The following GRM5 variants were observed in gnomAD, a reference collection of about 807,000 sequenced individuals.
GRM5 encodes the protein metabotropic glutamate receptor 5.
In GRM5, 19 loss-of-function variants were observed where a neutral mutation model predicts 83.1. The observed-to-expected ratio is 0.23, with a 90% CI of 0.16 to 0.34. The LOEUF is 0.34. GRM5 is among the 10% of genes least tolerant of loss of function. GRM5 has a pLI of 1.00. For synonymous variants in GRM5, 675 were observed against 633.6 expected, an observed-to-expected ratio of 1.07 and a Z score of -0.98; for missense variants, 1,160 against 1,588.3, an observed-to-expected ratio of 0.73 and a Z score of 4.58.
chr11:89,000,932 A>G (rs994510476), intron 2 of GRM5, among the ~76,000 whole-genome samples: 3 of 151,934 alleles, frequency 2.0e-5, no homozygotes, highest in African/African-American at 7.2e-5. Context: ...ACTGATGAAA[A>G]AAAAGCACAT....
At chr11:88,646,855 G>T (rs1461914229) in intron 4 of GRM5, among the ~76,000 whole-genome samples, 2 of 144,984 alleles carry the variant, frequency 1.4e-5, no homozygotes, top group South Asian at 2.3e-4. Context: ...GATCTCTCTT[G>T]GTTAAAATGA....
At chr11:89,013,742 G>T (rs1468123857) in intron 2 of GRM5, among the ~76,000 whole-genome samples, 1 of 152,118 alleles carries the variant, frequency 6.6e-6, no homozygotes, top group African/African-American at 2.4e-5. Context: ...CTGAGAAATG[G>T]TTTTTACAAC....
intron 9 of GRM5, among the ~76,000 whole-genome samples, chr11:88,522,215 A>G (rs1941712570): frequency 6.6e-6 from 1 of 152,150 alleles, no homozygotes; most frequent in African/African-American, 2.4e-5. Flanking sequence ...GAAAGGCCTT[A>G]TTGGTTGACG....
At chr11:88,535,900 A>T (rs1334120755) in intron 8 of GRM5, among the ~76,000 whole-genome samples, 1 of 152,220 alleles carries the variant, frequency 6.6e-6, no homozygotes, top group East Asian at 1.9e-4. Flanking sequence ...ATATAAAATA[A>T]GTGTGAGAGT....
intron 8 of GRM5, among the ~76,000 whole-genome samples, chr11:88,536,727 A>G (rs1942142989): frequency 6.6e-6 from 1 of 152,178 alleles, no homozygotes; most frequent in African/African-American, 2.4e-5. Flanking sequence ...TTATAATTTT[A>G]AAACATCTTA....
intron 3 of GRM5, among the ~76,000 whole-genome samples, chr11:88,820,231 A>C (rs1943762916): frequency 6.6e-6 from 1 of 151,630 alleles, no homozygotes; most frequent in South Asian, 2.1e-4. Flanking sequence ...AATACAAAAA[A>C]AAAAAAATTA....
At chr11:88,790,454 G>C (rs1028018434) in intron 3 of GRM5, among the ~76,000 whole-genome samples, 21 of 152,208 alleles carry the variant, frequency 1.4e-4, no homozygotes, top group Admixed American at 3.3e-4. Context: ...CAGCAACTTT[G>C]GCTGGAAATA....
At chr11:89,010,382 A>G (rs1489863275) in intron 2 of GRM5, among the ~76,000 whole-genome samples, 1 of 152,200 alleles carries the variant, frequency 6.6e-6, no homozygotes, top group African/African-American at 2.4e-5. Flanking sequence ...TCAGAGCTAG[A>G]GAATGTGTAA....
chr11:88,684,646 C>G (rs1398371207), intron 3 of GRM5, among the ~76,000 whole-genome samples: 1 of 152,078 alleles, frequency 6.6e-6, no homozygotes, highest in African/African-American at 2.4e-5. Context: ...GCTCTGTGTC[C>G]CCACCCAAAT....
intron 7 of GRM5, among the ~76,000 whole-genome samples, chr11:88,573,844 A>G (rs1943053860): frequency 6.6e-6 from 1 of 152,060 alleles, no homozygotes; most frequent in Non-Finnish European, 1.5e-5. Flanking sequence ...GATCTCATGG[A>G]TGTTGAACTG....
At chr11:88,815,812 C>T (rs901951179) in intron 3 of GRM5, among the ~76,000 whole-genome samples, 8 of 152,148 alleles carry the variant, frequency 5.3e-5, no homozygotes, top group Non-Finnish European at 1.2e-4. Flanking sequence ...GTCATTAGGC[C>T]CCACCTCCAA....
chr11:88,989,507 G>C (rs372237893), intron 2 of GRM5, among the ~76,000 whole-genome samples: 1 of 128,324 alleles, frequency 7.8e-6, no homozygotes, highest in Non-Finnish European at 1.7e-5. Flanking sequence ...TGCACCAAGC[G>C]GACCTAATAG....
chr11:88,995,894 A>G (rs1156366432), intron 2 of GRM5, among the ~76,000 whole-genome samples: 2 of 152,134 alleles, frequency 1.3e-5, no homozygotes, highest in Non-Finnish European at 2.9e-5. Context: ...AGGAAGAACC[A>G]TATGGCTGCT....
At chr11:88,994,076 C>G (rs890573675) in intron 2 of GRM5, among the ~76,000 whole-genome samples, 1 of 151,746 alleles carries the variant, frequency 6.6e-6, no homozygotes, top group Non-Finnish European at 1.5e-5. Flanking sequence ...CAGTTACTAA[C>G]AATGAACCAT....
chr11:88,783,696 C>T (rs1234248272), intron 3 of GRM5, among the ~76,000 whole-genome samples: 5 of 151,996 alleles, frequency 3.3e-5, no homozygotes, highest in Non-Finnish European at 5.9e-5. Flanking sequence ...GCTAGAACAT[C>T]CATGTGACTG....
At chr11:88,961,675 A>G (rs1309714424) in intron 2 of GRM5, among the ~76,000 whole-genome samples, 1 of 152,200 alleles carries the variant, frequency 6.6e-6, no homozygotes, top group Non-Finnish European at 1.5e-5. Flanking sequence ...ACATTCCAAG[A>G]CTTACTTGAC....
At chr11:88,510,129 T>C (rs1348456601) in intron 9 of GRM5, among the ~76,000 whole-genome samples, 3 of 152,220 alleles carry the variant, frequency 2.0e-5, no homozygotes, top group African/African-American at 7.2e-5. Context: ...AAATAAAAAT[T>C]TAATGAACAC....
chr11:89,011,929 A>C (rs144661683), intron 2 of GRM5, among the ~76,000 whole-genome samples: 2,969 of 152,344 alleles, frequency 0.019, 90 homozygotes, highest in African/African-American at 0.066. Flanking sequence ...CAGAATGATT[A>C]AGGGAAGAAA....
At chr11:88,893,315 G>C (rs1945179376) in intron 2 of GRM5, among the ~76,000 whole-genome samples, 1 of 151,964 alleles carries the variant, frequency 6.6e-6, no homozygotes, top group South Asian at 2.1e-4. Flanking sequence ...CTCCTAAAGA[G>C]AACAGTTGGT....
Sources: gnomAD v4.1 joint callset for allele counts (sites outside exome capture counted in the v4.1 genomes callset) on GRCh38, gnomAD v4.1.1 for gene constraint, MANE v1.5 for transcripts, NCBI Gene and HGNC (gene_info 2026-07-23, HGNC 2026-07-21) for gene names.